The following DCTN6 variants were observed in gnomAD, a reference collection of about 807,000 sequenced individuals.
DCTN6 encodes dynactin subunit 6, also known as dynactin 6.
In DCTN6, 15 loss-of-function variants were observed where a neutral mutation model predicts 25.8. That is an observed-to-expected ratio of 0.58 (90% CI 0.39 to 0.89). The LOEUF is 0.89. Among genes scored for constraint, DCTN6 ranks in the 40% least tolerant of loss-of-function variants. The probability of loss-of-function intolerance (pLI) is 0.00; values close to 1 mark genes in which losing one functional copy is unlikely to be tolerated. For synonymous variants in DCTN6, 64 were observed against 78.3 expected (o/e 0.82, Z 0.96); for missense variants, 198 against 237.6 (o/e 0.83, Z 1.09).
intron 2 of DCTN6, among the ~76,000 whole-genome samples, chr8:30,174,029 C>A (rs544803502): frequency 2.0e-5 from 3 of 152,222 alleles, no homozygotes; most frequent in Middle Eastern, 3.4e-3. Context: ...AGGCTCAGGG[C>A]GGGGTAGACC....
intron 2 of DCTN6, among the ~76,000 whole-genome samples, chr8:30,170,993 A>T (rs1271929458): frequency 2.0e-5 from 3 of 152,290 alleles, no homozygotes; most frequent in South Asian, 2.1e-4. Flanking sequence ...ATTTTTAAAA[A>T]TTTTTAAAAA....
chr8:30,159,014 T>C (rs1803563132), intron 1 of DCTN6, among the ~76,000 whole-genome samples: 1 of 152,084 alleles, frequency 6.6e-6, no homozygotes. Context: ...ACTCCTGACC[T>C]CAAGGAATCT....
chr8:30,171,071 A>G (rs1035415583), intron 2 of DCTN6, among the ~76,000 whole-genome samples: 1 of 152,114 alleles, frequency 6.6e-6, no homozygotes, highest in Non-Finnish European at 1.5e-5. Flanking sequence ...GAAAGGGAAA[A>G]ATGAAACTGT....
chr8:30,165,575 C>G (rs1803654431), intron 2 of DCTN6: 1 of 151,548 alleles, frequency 6.6e-6, no homozygotes, highest in South Asian at 2.1e-4. Flanking sequence ...TAAGAATTTG[C>G]CAGGTTAGGA....
rs908982577 is a variant in DCTN6 at position 30,165,474 on chromosome 8, T to C, written c.88+1299T>C. Among the ~76,000 whole-genome samples, 81 of 151,974 alleles carry C rather than the reference T, an allele frequency of 5.3e-4. 2 individuals are homozygous for C. The highest frequency in any genetic ancestry group is 1.9e-3 in the African/African-American group (79 of 41,496). On this transcript the variant is annotated intron_variant, in intron 2 of 6. Transcript: ENST00000221114. ...AAAAAAACCCTGTAACGTCATTTTT[T>C]TTTTCCAAAAAAAAATCTAAGCCTC...
At chr8:30,159,138 G>A (rs1215203069) in intron 1 of DCTN6, among the ~76,000 whole-genome samples, 1 of 152,166 alleles carries the variant, frequency 6.6e-6, no homozygotes, top group Non-Finnish European at 1.5e-5. Context: ...GGATTTCATT[G>A]ACTTACGCCT....
chr8:30,183,281 T>C lies in DCTN6; in HGVS notation c.*108T>C. 1.2e-6 allele frequency: 1 copy of C among 808,118 alleles called. No individual in the cohort carries two copies. Among genetic ancestry groups the C allele is most frequent in the South Asian group, 2.2e-5 (1 of 45,636 alleles). The allele number at this position is 808,118 out of a possible 1,614,324, so 50.1% of individuals were successfully genotyped here. A position where few individuals can be genotyped will look rare whatever the true frequency, so the allele number is the denominator to read the frequency against. The stretch of plus-strand genomic sequence containing the variant: ...AACTCACAGAATAATACATGTTCAC[T>C]TTATTTTGTAAAATTGGGTTGAGAG... On this transcript the variant is annotated 3_prime_UTR_variant, in exon 7 of 7. Coordinates refer to ENST00000221114, the MANE Select transcript of DCTN6 (RefSeq NM_006571.4).
At chr8:30,166,824 C>T (rs969589095) in intron 2 of DCTN6, among the ~76,000 whole-genome samples, 8 of 151,914 alleles carry the variant, frequency 5.3e-5, no homozygotes, top group Admixed American at 2.0e-4. Context: ...GGCTGGATGC[C>T]GTGGCTCATG....
intron 1 of DCTN6, among the ~76,000 whole-genome samples, chr8:30,157,548 A>G (rs756238957): frequency 2.0e-5 from 3 of 152,200 alleles, no homozygotes; most frequent in Admixed American, 2.0e-4. Flanking sequence ...ACTATTTTCA[A>G]TAGATGAACT....
In DCTN6 at chr8:30,183,209, T is replaced by C; in HGVS notation, c.*36T>C. 6.4e-7 allele frequency: 1 copy of C among 1,564,194 alleles called. No homozygotes were observed. The highest frequency in any genetic ancestry group is 8.8e-7 in the Non-Finnish European group (1 of 1,136,950). On this transcript the variant is annotated 3_prime_UTR_variant, in exon 7 of 7. Transcript: ENST00000221114. ...TAACATGAAGATAACATTTTGTCTT[T>C]GACCACTGTCTTTTGAATGGGCCCA...
At chr8:30,178,125 C>A (rs770128295) in intron 4 of DCTN6, among the ~76,000 whole-genome samples, 17 of 151,854 alleles carry the variant, frequency 1.1e-4, no homozygotes, top group African/African-American at 3.9e-4. Flanking sequence ...TTTTTCCTCC[C>A]TAGAATGTCT....
intron 2 of DCTN6, among the ~76,000 whole-genome samples, chr8:30,166,726 G>A (rs1177582000): frequency 2.0e-5 from 3 of 152,030 alleles, no homozygotes; most frequent in African/African-American, 4.8e-5. Context: ...TTCTCTCTCT[G>A]GTTTTCACTA....
intron 4 of DCTN6, 53 bp downstream of exon 4, chr8:30,177,267 T>A: frequency 2.1e-6 from 3 of 1,426,108 alleles, no homozygotes; most frequent in Non-Finnish European, 3.0e-6. Flanking sequence ...CTTTAGTACC[T>A]AAGTCTTCTC....
intron 1 of DCTN6, among the ~76,000 whole-genome samples, chr8:30,157,959 G>A (rs1803548282): frequency 6.6e-6 from 1 of 152,196 alleles, no homozygotes; most frequent in South Asian, 2.1e-4. Flanking sequence ...GAAGATTAAG[G>A]TATTGTTGAC....
At chr8:30,168,424 G>A (rs953102562) in intron 2 of DCTN6, among the ~76,000 whole-genome samples, 3 of 152,170 alleles carry the variant, frequency 2.0e-5, no homozygotes, top group Non-Finnish European at 4.4e-5. Flanking sequence ...AAAGCAAAGA[G>A]TGGAGATAAG....
In DCTN6 at chr8:30,175,204, A is replaced by G; in HGVS notation, c.194+14A>G. ...TATCATAAATGCGTAAGACTCTTAT[A>G]CATACTGTGAACCAAGTACCATGGG... is the stretch of plus-strand genomic sequence containing the variant. On this transcript the variant is annotated intron_variant, in intron 3 of 6. Coordinates refer to ENST00000221114, the MANE Select transcript of DCTN6 (RefSeq NM_006571.4). The G allele has an allele frequency of 6.2e-7, 1 of 1,606,368 alleles. No homozygotes were observed. The highest frequency in any genetic ancestry group is 1.7e-5 in the Admixed American group (1 of 59,812).
At chr8:30,180,684 A>G (rs1359770248) in intron 6 of DCTN6, 54 bp downstream of exon 6, 30 of 1,591,034 alleles carry the variant, frequency 1.9e-5, no homozygotes, top group Non-Finnish European at 2.6e-5. Flanking sequence ...CCCAAAATAC[A>G]ATGTAATTGT....
chr8:30,175,008 C>A (rs1228460538), intron 2 of DCTN6, 77 bp from the exon 3 acceptor site: 3 of 1,371,554 alleles, frequency 2.2e-6, no homozygotes, highest in Non-Finnish European at 3.1e-6. Flanking sequence ...CAGCCTCACC[C>A]ATCCTCAGTC....
At chr8:30,177,363 A>G (rs1422566657) in intron 4 of DCTN6, 149 bp downstream of exon 4, 2 of 595,730 alleles carry the variant, frequency 3.4e-6, no homozygotes, top group South Asian at 4.5e-5. Context: ...TAATTTATCT[A>G]TCAAACATAC....
Sources: gnomAD v4.1 joint callset for allele counts (sites outside exome capture counted in the v4.1 genomes callset) on GRCh38, gnomAD v4.1.1 for gene constraint, MANE v1.5 for transcripts, NCBI Gene and HGNC (gene_info 2026-07-23, HGNC 2026-07-21) for gene names.